The following WIPI2 variants were observed in gnomAD, a reference collection of about 807,000 sequenced individuals.
WIPI2 encodes WD repeat domain, phosphoinositide interacting 2, also known as WD repeat domain phosphoinositide-interacting protein 2.
In WIPI2, 28 loss-of-function variants were observed where a neutral mutation model predicts 52.3. The observed-to-expected ratio is 0.54, with a 90% confidence interval of 0.40 to 0.73. The LOEUF is 0.73. WIPI2 is among the 30% of genes least tolerant of loss of function. The pLI is 0.00. For missense variants in WIPI2, 506 were observed against 602.9 expected, an observed-to-expected ratio of 0.84 and a Z score of 1.68; for synonymous variants, 268 against 245.0, an observed-to-expected ratio of 1.09 and a Z score of -0.88.
intron 8 of WIPI2, 145 bp from the exon 9 acceptor site, chr7:5,225,678 T>C: frequency 1.7e-6 from 1 of 596,922 alleles, no homozygotes; most frequent in Non-Finnish European, 3.0e-6. Context: ...TCAAGGAAAA[T>C]GTTTGAGAAG....
rs973767383 is a variant in WIPI2 at position 5,190,349 on chromosome 7, C to G, written c.-71C>G. On this transcript the variant is annotated 5_prime_UTR_variant, in exon 1 of 13. Transcript: ENST00000288828. The stretch of plus-strand genomic sequence containing the variant: ...GCGGCGAGCGGGGCCCGGCGCCGAC[C>G]CTGAGTGCAGCCTGACCCGCCCTCG... The G allele has an allele frequency of 2.0e-5, 22 of 1,125,666 alleles. No individual in the cohort carries two copies. Among genetic ancestry groups the G allele is most frequent in the Non-Finnish European group, 2.4e-5 (21 of 886,694 alleles). 69.7% of individuals were successfully genotyped at this position (1,125,666 alleles called of 1,614,324 possible). A position where few individuals can be genotyped will look rare whatever the true frequency, so the allele number is the denominator to read the frequency against.
At chr7:5,214,831 A>G (rs1782731425) in intron 4 of WIPI2, 127 bp downstream of exon 4, 4 of 1,079,698 alleles carry the variant, frequency 3.7e-6, no homozygotes, top group African/African-American at 3.1e-5. Context: ...CCGGGCACAG[A>G]TCCTTGCCTA....
In WIPI2 at chr7:5,228,204, C is replaced by A; in HGVS notation, c.1114C>A (p.Gln372Lys). 6.2e-7 allele frequency: 1 copy of A among 1,612,852 alleles called. No individual in the cohort carries two copies. The highest frequency in any genetic ancestry group is 2.2e-5 in the East Asian group (1 of 44,860). ...QEGGECALMK[Q>K]HRLDGSLETT... ...GGGCGGCGAGTGTGCCCTGATGAAG[C>A]AGCACCGGTGAGTCTGCTCCGGCCG... Residue 372 changes from glutamine (Q) to lysine (K), a missense_variant, in exon 11 of 13, where the codon CAG (glutamine) becomes AAG (lysine). Transcript: ENST00000288828.
At chr7:5,221,655 A>G (rs1043650564) in intron 7 of WIPI2, among the ~76,000 whole-genome samples, 1 of 152,080 alleles carries the variant, frequency 6.6e-6, no homozygotes, top group Non-Finnish European at 1.5e-5. Context: ...CTCATCATCC[A>G]CAGATCTGAT....
intron 3 of WIPI2, among the ~76,000 whole-genome samples, chr7:5,200,250 A>G (rs1781957637): frequency 6.6e-6 from 1 of 152,222 alleles, no homozygotes; most frequent in African/African-American, 2.4e-5. Context: ...GAGATTATGT[A>G]TGTGTGTACT....
intron 2 of WIPI2, among the ~76,000 whole-genome samples, chr7:5,198,667 T>G (rs1363078807): frequency 2.0e-5 from 3 of 152,204 alleles, no homozygotes; most frequent in African/African-American, 7.2e-5. Context: ...ATCAGACCAC[T>G]TGAGAAACCT....
chr7:5,222,688 G>A lies in WIPI2; in HGVS notation c.740+16G>A, dbSNP rs1783203268. The A allele has an allele frequency of 8.7e-6, 14 of 1,608,570 alleles. No individual in the cohort carries two copies. The highest frequency in any genetic ancestry group is 1.2e-5 in the Non-Finnish European group (14 of 1,175,782). The stretch of plus-strand genomic sequence containing the variant: ...GAGTAAAGAGGTAAAGTACGTGAAT[G>A]TCCAGAATGGATTCTGGAGGTTGTA... On this transcript the variant is annotated intron_variant, in intron 8 of 12. Coordinates refer to ENST00000288828, the MANE Select transcript of WIPI2 (RefSeq NM_015610.4).
At chr7:5,224,333 C>T (rs762277481) in intron 8 of WIPI2, among the ~76,000 whole-genome samples, 8 of 152,238 alleles carry the variant, frequency 5.3e-5, no homozygotes, top group Non-Finnish European at 1.0e-4. Flanking sequence ...ATCCCTTTCT[C>T]CATGCGTCTC....
chr7:5,201,813 T>C (rs1049587716), intron 3 of WIPI2, among the ~76,000 whole-genome samples: 14 of 152,240 alleles, frequency 9.2e-5, no homozygotes, highest in African/African-American at 3.4e-4. Context: ...TGAATGTCTG[T>C]GTTCTTCTTA....
chr7:5,192,189 G>A (rs887636270), intron 1 of WIPI2, among the ~76,000 whole-genome samples: 8 of 152,094 alleles, frequency 5.3e-5, no homozygotes, highest in Non-Finnish European at 8.8e-5. Context: ...CAAACAATTC[G>A]GACAACCTGT....
intron 8 of WIPI2, among the ~76,000 whole-genome samples, chr7:5,223,792 G>A (rs1294159878): frequency 1.3e-5 from 2 of 152,140 alleles, no homozygotes; most frequent in Admixed American, 6.5e-5. Context: ...GGTAAATAGC[G>A]CCACTTGCCA....
intron 8 of WIPI2, among the ~76,000 whole-genome samples, chr7:5,224,286 C>T (rs1251607868): frequency 6.6e-6 from 1 of 152,220 alleles, no homozygotes; most frequent in Admixed American, 6.5e-5. Context: ...AGTCGAGTGT[C>T]GCCCTCGAGG....
At chr7:5,205,560 A>G (rs1782252638) in intron 3 of WIPI2, among the ~76,000 whole-genome samples, 1 of 152,070 alleles carries the variant, frequency 6.6e-6, no homozygotes, top group South Asian at 2.1e-4. Flanking sequence ...CCATGTCCCC[A>G]CAGGAGGAGG....
intron 3 of WIPI2, among the ~76,000 whole-genome samples, chr7:5,200,498 C>A (rs1019550118): frequency 6.6e-6 from 1 of 152,138 alleles, no homozygotes; most frequent in African/African-American, 2.4e-5. Context: ...CTCCTGAGCA[C>A]ACTCTCCAGT....
At chr7:5,223,039 C>T (rs1347672256) in intron 8 of WIPI2, among the ~76,000 whole-genome samples, 2 of 152,208 alleles carry the variant, frequency 1.3e-5, no homozygotes, top group East Asian at 1.9e-4. Context: ...TGTTCCAGCT[C>T]TCCAGCTCCG....
intron 3 of WIPI2, among the ~76,000 whole-genome samples, chr7:5,213,748 C>T (rs1432087287): frequency 2.6e-5 from 4 of 152,058 alleles, no homozygotes; most frequent in South Asian, 2.1e-4. Flanking sequence ...TGCAGTGGCG[C>T]GATTTTGGCT....
intron 11 of WIPI2, among the ~76,000 whole-genome samples, chr7:5,229,147 C>G (rs1325835430): frequency 6.6e-6 from 1 of 152,198 alleles, no homozygotes; most frequent in Non-Finnish European, 1.5e-5. Context: ...TCCCGAGTAG[C>G]TGGGATGACA....
At chr7:5,216,706 T>C (rs768141441) in intron 5 of WIPI2, 47 bp downstream of exon 5, 73 of 1,581,832 alleles carry the variant, frequency 4.6e-5, no homozygotes, top group Non-Finnish European at 5.8e-5. Flanking sequence ...GATTTTGCCC[T>C]TGAAAGATAG....
chr7:5,206,316 A>C (rs1298575951), intron 3 of WIPI2, among the ~76,000 whole-genome samples: 2 of 152,212 alleles, frequency 1.3e-5, no homozygotes, highest in African/African-American at 4.8e-5. Flanking sequence ...TTTAGGGTGA[A>C]TGTCAGAAGG....
Sources: allele counts gnomAD v4.1 joint callset (sites outside exome capture counted in the v4.1 genomes callset), GRCh38; gene constraint gnomAD v4.1.1; transcripts MANE v1.5; gene names NCBI Gene and HGNC (gene_info 2026-07-23, HGNC 2026-07-21).